TAFA2: variants seen among roughly 807,000 people sequenced by gnomAD.
TAFA2 encodes TAFA chemokine like family member 2.
TAFA2 carries 7 observed loss-of-function variants against 18.8 expected under a neutral mutation model. The observed-to-expected ratio is 0.37, with a 90% CI of 0.21 to 0.70. The LOEUF is 0.70. Among genes scored for constraint, TAFA2 ranks in the 30% least tolerant of loss-of-function variants. TAFA2 has a pLI of 0.53. For synonymous variants in TAFA2, 60 were observed against 54.2 expected (o/e 1.11, Z -0.47); for missense variants, 122 against 158.1 (o/e 0.77, Z 1.23).
intron 1 of TAFA2, among the ~76,000 whole-genome samples, chr12:62,107,439 G>A (rs888245325): frequency 6.6e-6 from 1 of 152,090 alleles, no homozygotes; most frequent in Admixed American, 6.6e-5. Context: ...TAAAAATAAA[G>A]TAGTGAACTC....
At chr12:61,796,281 C>T (rs1255817060) in intron 2 of TAFA2, among the ~76,000 whole-genome samples, 1 of 151,974 alleles carries the variant, frequency 6.6e-6, no homozygotes, top group Non-Finnish European at 1.5e-5. Context: ...ACCCAAATGG[C>T]CATCCACAGG....
At chr12:62,258,799 C>T in exon 1 of TAFA2, 2 of 343,936 alleles carry the variant, frequency 5.8e-6, no homozygotes. Flanking sequence ...CCATATTCTG[C>T]AGCTTCCCTT....
chr12:62,021,920 T>A (rs1881153819), intron 1 of TAFA2: 1 of 737,128 alleles, frequency 1.4e-6, no homozygotes, highest in Non-Finnish European at 2.6e-6. Context: ...CCACTCTCCA[T>A]GATGAATTGC....
intron 2 of TAFA2, among the ~76,000 whole-genome samples, chr12:61,838,631 A>C (rs1436519128): frequency 2.0e-5 from 3 of 152,024 alleles, no homozygotes; most frequent in Admixed American, 2.0e-4. Flanking sequence ...ATCCTACTGA[A>C]GCACAAAGAG....
intron 1 of TAFA2, chr12:61,880,505 C>G: frequency 1.9e-6 from 1 of 526,890 alleles, no homozygotes; most frequent in South Asian, 1.4e-5. Flanking sequence ...CAAGAAGCTG[C>G]TGGAGGGTGA....
At chr12:61,904,626 C>G (rs185447458) in intron 1 of TAFA2, among the ~76,000 whole-genome samples, 1 of 152,234 alleles carries the variant, frequency 6.6e-6, no homozygotes, top group Admixed American at 6.5e-5. Flanking sequence ...AGGCAACATA[C>G]TCAGCAAAAA....
intron 2 of TAFA2, among the ~76,000 whole-genome samples, chr12:61,821,215 G>C (rs1484545624): frequency 1.3e-5 from 2 of 151,304 alleles, no homozygotes; most frequent in African/African-American, 4.9e-5. Context: ...ACTAATTGCT[G>C]TACATAACTT....
chr12:61,962,906 C>A (rs1314039753), intron 1 of TAFA2, among the ~76,000 whole-genome samples: 2 of 151,642 alleles, frequency 1.3e-5, no homozygotes, highest in African/African-American at 2.4e-5. Context: ...CCTAGCCCCC[C>A]ACCAGCCAAC....
chr12:61,951,534 T>C (rs1259340270), intron 1 of TAFA2, among the ~76,000 whole-genome samples: 1 of 152,032 alleles, frequency 6.6e-6, no homozygotes, highest in African/African-American at 2.4e-5. Context: ...AAAATTAATG[T>C]CATGGTAAAG....
intron 2 of TAFA2, among the ~76,000 whole-genome samples, chr12:61,833,061 T>C (rs1389698719): frequency 6.8e-6 from 1 of 147,014 alleles, no homozygotes; most frequent in Non-Finnish European, 1.5e-5. Context: ...TATAAATAAA[T>C]ATATATACAT....
chr12:62,016,364 T>C (rs1485116272), intron 1 of TAFA2, among the ~76,000 whole-genome samples: 3 of 152,222 alleles, frequency 2.0e-5, no homozygotes, highest in African/African-American at 4.8e-5. Context: ...GACTCAGTAA[T>C]TATTTTTTAA....
At chr12:61,987,562 A>G (rs1879861132) in intron 1 of TAFA2, among the ~76,000 whole-genome samples, 1 of 152,238 alleles carries the variant, frequency 6.6e-6, no homozygotes, top group South Asian at 2.1e-4. Context: ...GCAAGATGCC[A>G]AACTACCACA....
intron 1 of TAFA2, among the ~76,000 whole-genome samples, chr12:62,050,877 CCTT>C (rs1882034683): frequency 6.6e-6 from 1 of 152,116 alleles, no homozygotes; most frequent in South Asian, 2.1e-4. Context: ...AGTTTTATAT[CCTT>C]CTAGAGTGCT....
At chr12:61,842,255 A>G (rs1368753517) in intron 2 of TAFA2, among the ~76,000 whole-genome samples, 4 of 144,810 alleles carry the variant, frequency 2.8e-5, no homozygotes, top group African/African-American at 1.0e-4. Flanking sequence ...GCTCAATTAA[A>G]CAGCTTCCCC....
At chr12:62,220,946 A>G (rs2062757925) in intron 1 of TAFA2, among the ~76,000 whole-genome samples, 1 of 151,992 alleles carries the variant, frequency 6.6e-6, no homozygotes, top group Non-Finnish European at 1.5e-5. Flanking sequence ...TCTCTACTAA[A>G]AAATAGAAAA....
chr12:61,841,710 T>G (rs1873190149), intron 2 of TAFA2, among the ~76,000 whole-genome samples: 1 of 152,094 alleles, frequency 6.6e-6, no homozygotes, highest in Non-Finnish European at 1.5e-5. Flanking sequence ...GGAATTGCAT[T>G]GTATTATATA....
chr12:61,985,473 T>A (rs1879781232), intron 1 of TAFA2, among the ~76,000 whole-genome samples: 1 of 152,164 alleles, frequency 6.6e-6, no homozygotes, highest in Admixed American at 6.5e-5. Flanking sequence ...TGCTGTATAG[T>A]TATTAGGGAG....
At chr12:62,184,484 C>T (rs2062571794) in intron 1 of TAFA2, among the ~76,000 whole-genome samples, 1 of 74,498 alleles carries the variant, frequency 1.3e-5, no homozygotes, top group Non-Finnish European at 2.8e-5. Context: ...GGTCTGAACA[C>T]ACGGGAAAAA....
chr12:61,932,451 A>G (rs890433334), intron 1 of TAFA2, among the ~76,000 whole-genome samples: 1 of 152,170 alleles, frequency 6.6e-6, no homozygotes, highest in Non-Finnish European at 1.5e-5. Flanking sequence ...ATCCACACCC[A>G]TAACTCTCTG....
Sources: allele counts gnomAD v4.1 joint callset (sites outside exome capture counted in the v4.1 genomes callset), GRCh38; gene constraint gnomAD v4.1.1; transcripts MANE v1.5; gene names NCBI Gene and HGNC (gene_info 2026-07-23, HGNC 2026-07-21).